Variants in RBFOX1 observed in about 807,000 individuals in gnomAD.
RBFOX1 encodes the protein RNA binding fox-1 homolog 1, also known as RNA binding protein fox-1 homolog 1.
RBFOX1 carries 8 observed loss-of-function variants against 57.7 expected under a neutral mutation model. The observed-to-expected ratio is 0.14, with a 90% confidence interval of 0.08 to 0.25. The LOEUF (loss-of-function observed/expected upper bound fraction) is 0.25. Ranked by LOEUF, RBFOX1 falls within the 10% of genes least tolerant of loss-of-function variation. The probability of loss-of-function intolerance (pLI) is 1.00; values close to 1 mark genes in which losing one functional copy is unlikely to be tolerated. For missense variants in RBFOX1, 611 were observed against 548.5 expected (o/e 1.11, Z -1.14); for synonymous variants, 326 against 222.4 (o/e 1.47, Z -4.15).
In RBFOX1 at chr16:6,992,198, C is replaced by G. The variant is rs28753709; in HGVS notation, c.-15-59859C>G. Among the ~76,000 whole-genome samples, 552 of 149,928 alleles carry G rather than the reference C, an allele frequency of 3.7e-3. 8 individuals carry two copies. Among genetic ancestry groups the G allele is most frequent in the African/African-American group, 0.013 (534 of 41,014 alleles). On this transcript the variant is annotated intron_variant, in intron 3 of 15. Transcript: ENST00000550418. ...GTTTTTTTTGAGATGGAGTCTCACT[C>G]TGTTGCACAGGCTGGAGTGCAGTGG...
intron 2 of RBFOX1, among the ~76,000 whole-genome samples, chr16:6,336,079 G>C (rs1016228760): frequency 7.6e-6 from 1 of 132,432 alleles, no homozygotes; most frequent in African/African-American, 2.7e-5. Flanking sequence ...TTGGTAAATG[G>C]AACAACAAAT....
At chr16:5,970,827 C>T (rs1355321271) in intron 4 of RBFOX1, among the ~76,000 whole-genome samples, 1 of 152,188 alleles carries the variant, frequency 6.6e-6, no homozygotes, top group Non-Finnish European at 1.5e-5. Context: ...AGTCAGTATG[C>T]ACATTGCAAG....
At chr16:7,342,620 G>A (rs2096919828) in intron 4 of RBFOX1, among the ~76,000 whole-genome samples, 1 of 152,182 alleles carries the variant, frequency 6.6e-6, no homozygotes, top group Non-Finnish European at 1.5e-5. Context: ...TCTTGGTGGA[G>A]ATTCCTGGTG....
At chr16:6,312,060 C>A (rs2080386604) in intron 1 of RBFOX1, among the ~76,000 whole-genome samples, 1 of 152,176 alleles carries the variant, frequency 6.6e-6, no homozygotes, top group Non-Finnish European at 1.5e-5. Flanking sequence ...CAGTTTGCTT[C>A]CCTGCCTGCA....
intron 3 of RBFOX1, among the ~76,000 whole-genome samples, chr16:6,730,169 A>G (rs1048458356): frequency 2.6e-5 from 4 of 152,198 alleles, no homozygotes; most frequent in Middle Eastern, 3.4e-3. Flanking sequence ...AATAATTATA[A>G]CTCTTTACCC....
At chr16:5,628,500 G>A (rs1326426962) in intron 3 of RBFOX1, among the ~76,000 whole-genome samples, 1 of 152,074 alleles carries the variant, frequency 6.6e-6, no homozygotes, top group African/African-American at 2.4e-5. Context: ...TCTGGGTTAG[G>A]GGAAGAACGC....
At chr16:5,390,052 A>C (rs1395132241) in intron 1 of RBFOX1, among the ~76,000 whole-genome samples, 6 of 152,110 alleles carry the variant, frequency 3.9e-5, no homozygotes, top group Non-Finnish European at 7.3e-5. Flanking sequence ...CTGTAGCTTA[A>C]AAACTTTTAT....
intron 4 of RBFOX1, among the ~76,000 whole-genome samples, chr16:7,206,468 C>A (rs1029047121): frequency 6.7e-6 from 1 of 149,508 alleles, no homozygotes. Flanking sequence ...ATATAATATG[C>A]GTGTGTGCAT....
chr16:5,881,371 C>T (rs1015119821), intron 4 of RBFOX1, among the ~76,000 whole-genome samples: 1 of 152,166 alleles, frequency 6.6e-6, no homozygotes, highest in African/African-American at 2.4e-5. Flanking sequence ...TCCAATACAG[C>T]ACATGTGGCA....
intron 1 of RBFOX1, among the ~76,000 whole-genome samples, chr16:5,378,421 C>T (rs1211798533): frequency 1.3e-5 from 2 of 151,562 alleles, no homozygotes; most frequent in Admixed American, 1.3e-4. Context: ...GAGTTAGCCT[C>T]CCTTCGAACA....
At chr16:7,436,536 T>G (rs1464991019) in intron 4 of RBFOX1, among the ~76,000 whole-genome samples, 1 of 152,164 alleles carries the variant, frequency 6.6e-6, no homozygotes, top group Non-Finnish European at 1.5e-5. Context: ...CCAACAACTC[T>G]AGGGGGCAGG....
At chr16:7,170,827 A>T (rs1000966249) in intron 4 of RBFOX1, among the ~76,000 whole-genome samples, 1 of 152,194 alleles carries the variant, frequency 6.6e-6, no homozygotes. Flanking sequence ...ACTTAAATCC[A>T]GGAGATCCCT....
chr16:5,814,771 A>C (rs775931739), intron 3 of RBFOX1, among the ~76,000 whole-genome samples: 8 of 152,152 alleles, frequency 5.3e-5, no homozygotes, highest in Non-Finnish European at 1.2e-4. Flanking sequence ...TACTAAAAAT[A>C]CAAAAAAATT....
intron 3 of RBFOX1, among the ~76,000 whole-genome samples, chr16:5,797,195 GAGGA>G (rs1189237658): frequency 1.3e-5 from 2 of 152,214 alleles, no homozygotes; most frequent in Admixed American, 6.5e-5. Context: ...GATGCCCATA[GAGGA>G]AGTTCTGATT....
intron 2 of RBFOX1, among the ~76,000 whole-genome samples, chr16:6,453,868 G>A (rs568120317): frequency 6.6e-6 from 1 of 152,362 alleles, no homozygotes; most frequent in South Asian, 2.1e-4. Flanking sequence ...ACGGATATGT[G>A]AGTTTGCTGA....
intron 1 of RBFOX1, among the ~76,000 whole-genome samples, chr16:5,407,574 T>A (rs2066900912): frequency 6.6e-6 from 1 of 151,942 alleles, no homozygotes; most frequent in East Asian, 1.9e-4. Context: ...TTTGTTTTTT[T>A]GTCTCACTCT....
At chr16:6,118,082 C>G (rs958051089) in intron 1 of RBFOX1, among the ~76,000 whole-genome samples, 5 of 152,168 alleles carry the variant, frequency 3.3e-5, no homozygotes, top group Non-Finnish European at 7.3e-5. Context: ...TCTGTATAGT[C>G]TTCACCCATC....
chr16:6,678,515 A>G (rs1333773938), intron 3 of RBFOX1, among the ~76,000 whole-genome samples: 1 of 151,702 alleles, frequency 6.6e-6, no homozygotes, highest in African/African-American at 2.4e-5. Context: ...TGCATTTTAC[A>G]CTTACAAAAT....
In RBFOX1 at chr16:5,640,851, ACAC is replaced by A. The variant is rs1297839431; in HGVS notation, c.318+41891_318+41893del. 1.6e-4 allele frequency among the ~76,000 whole-genome samples: 24 copies of A among 148,528 alleles called. No individual in the cohort carries two copies. In the East Asian group the frequency reaches 4.7e-3, roughly 29 times the overall value. Reference sequence around the variant, plus strand: ...CATACATGCACACACACACACACACACACACCATGGATACACACACACACACAC... The same window carrying A: ...CATACATGCACACACACACACACACAACCATGGATACACACACACACACAC... On this transcript the variant is annotated intron_variant, in intron 3 of 19. Coordinates refer to the RBFOX1 transcript ENST00000641259.
Sources: allele counts gnomAD v4.1 joint callset (sites outside exome capture counted in the v4.1 genomes callset), GRCh38; gene constraint gnomAD v4.1.1; transcripts MANE v1.5; gene names NCBI Gene and HGNC (gene_info 2026-07-23, HGNC 2026-07-21).